RAB2B: variants seen among roughly 807,000 people sequenced by gnomAD.
RAB2B encodes ras-related protein Rab-2B.
A neutral mutation model predicts 29.8 loss-of-function variants in RAB2B; 20 were observed. The ratio of observed to expected loss-of-function variants is 0.67; its 90% confidence interval spans 0.47 to 0.97. RAB2B has a LOEUF of 0.97. Ranked by LOEUF, RAB2B falls within the 50% of genes least tolerant of loss-of-function variation. The probability of loss-of-function intolerance (pLI) is 0.00; values close to 1 mark genes in which losing one functional copy is unlikely to be tolerated. For missense variants in RAB2B, 218 were observed against 272.0 expected (o/e 0.80, Z 1.40); for synonymous variants, 93 against 91.7 (o/e 1.01, Z -0.08).
chr14:21,462,229 T>C (rs1890573187), intron 7 of RAB2B, 121 bp downstream of exon 7: 3 of 694,680 alleles, frequency 4.3e-6, no homozygotes, highest in Non-Finnish European at 6.6e-6. Flanking sequence ...AAGTGTTGAA[T>C]TGGCAGAGCT....
rs1890530083 is a variant in RAB2B, at chr14:21,460,658, GGC to G, written c.*536_*537del. The stretch of plus-strand genomic sequence containing the variant: ...GACAGAGTTTTGCTCTTGTTGCCCA[GGC>G]TGCAGTGCAATGGCGTGATCTTGGC... On this transcript the variant is annotated 3_prime_UTR_variant, in exon 8 of 8. Coordinates refer to ENST00000397762, the MANE Select transcript of RAB2B (RefSeq NM_032846.4). The G allele has an allele frequency of 6.5e-6, 1 of 154,804 alleles. No homozygotes were observed. Among genetic ancestry groups the G allele is most frequent in the Non-Finnish European group, 1.4e-5 (1 of 70,094 alleles). 9.6% of individuals were successfully genotyped at this position (154,804 alleles called of 1,614,324 possible). A position where few individuals can be genotyped will look rare whatever the true frequency, so the allele number is the denominator to read the frequency against.
intron 5 of RAB2B, among the ~76,000 whole-genome samples, chr14:21,466,739 G>A (rs898826074): frequency 6.6e-6 from 1 of 152,130 alleles, no homozygotes; most frequent in Non-Finnish European, 1.5e-5. Flanking sequence ...CTGAGAAGCT[G>A]TTTCTGGCAG....
chr14:21,476,929 A>C lies in RAB2B; in HGVS notation c.-57T>G. 5 of 1,573,496 alleles carry C rather than the reference A, an allele frequency of 3.2e-6. No homozygotes were observed. The highest frequency in any genetic ancestry group is 8.7e-7 in the Non-Finnish European group (1 of 1,148,240). On this transcript the variant is annotated 5_prime_UTR_variant, in exon 1 of 8. Transcript: ENST00000397762. ...CGACTTCTATAGCCACTTACCTCCG[A>C]CCTCTCTAGCCACTCAATCTACCGA... is the stretch of plus-strand genomic sequence containing the variant.
chr14:21,475,942 C>T (rs531679472), intron 2 of RAB2B, among the ~76,000 whole-genome samples: 11 of 152,224 alleles, frequency 7.2e-5, no homozygotes, highest in East Asian at 3.9e-4. Context: ...ACTGGGGTTA[C>T]GGAGATAACG....
chr14:21,476,300 G>A (rs574675195), intron 2 of RAB2B: 2 of 536,242 alleles, frequency 3.7e-6, no homozygotes, highest in African/African-American at 1.9e-5. Flanking sequence ...TATATGACGA[G>A]TCTATACCTC....
chr14:21,472,634 G>A lies in RAB2B; in HGVS notation c.186+2233C>T, dbSNP rs1890846195. 2.0e-5 allele frequency among the ~76,000 whole-genome samples: 3 copies of A among 152,188 alleles called. No homozygotes were observed. In the South Asian group the frequency reaches 6.2e-4, roughly 31 times the overall value. ...ATGATTTAGCAAATATTAATCTCAA[G>A]ACAATTTTAAGAGGGAACAGAAAAG... is the stretch of plus-strand genomic sequence containing the variant. On this transcript the variant is annotated intron_variant, in intron 3 of 7. Coordinates refer to ENST00000397762, the MANE Select transcript of RAB2B (RefSeq NM_032846.4).
rs568879635 is a variant in RAB2B, at chr14:21,468,541, G to A, written c.270-92C>T. ...TATACGAAAAGAGGGGAAGCCATAC[G>A]TGTAAAGAAAAATATTAGAGAGGCC... On this transcript the variant is annotated intron_variant, in intron 4 of 7. Transcript: ENST00000397762. The A allele has an allele frequency of 5.1e-5, 68 of 1,332,962 alleles. No homozygotes were observed. The African/African-American group carries it at 5.7e-4, about 11-fold the overall frequency. 82.6% of individuals were successfully genotyped at this position (1,332,962 alleles called of 1,614,324 possible).
intron 3 of RAB2B, 176 bp downstream of exon 3, chr14:21,474,691 G>A (rs1890905129): frequency 1.7e-6 from 1 of 582,390 alleles, no homozygotes; most frequent in African/African-American, 1.9e-5. Context: ...ACAACACAAA[G>A]ATACAGCATC....
In RAB2B at chr14:21,460,332, A is replaced by G. The variant is rs778432095; in HGVS notation, c.*864T>C. 27 of 511,798 alleles carry G rather than the reference A, an allele frequency of 5.3e-5. No individual in the cohort carries two copies. The highest frequency in any genetic ancestry group is 3.9e-4 in the African/African-American group (20 of 51,696). The allele number at this position is 511,798 out of a possible 1,614,324, so 31.7% of individuals were successfully genotyped here. A position where few individuals can be genotyped will look rare whatever the true frequency, so the allele number is the denominator to read the frequency against. ...GCCAGGCACGGTGGCTCACACCTGT[A>G]ATCCAGCACTTTGGGAGGCCAAGGT... is the stretch of plus-strand genomic sequence containing the variant. On this transcript the variant is annotated 3_prime_UTR_variant, in exon 8 of 8. Coordinates refer to ENST00000397762, the MANE Select transcript of RAB2B (RefSeq NM_032846.4).
intron 5 of RAB2B, among the ~76,000 whole-genome samples, chr14:21,468,051 G>C (rs916245905): frequency 1.3e-5 from 2 of 152,096 alleles, no homozygotes; most frequent in East Asian, 3.9e-4. Context: ...TGAGGGATGA[G>C]GGGGATGGGG....
At chr14:21,472,579 A>C in intron 3 of RAB2B, among the ~76,000 whole-genome samples, 1 of 152,180 alleles carries the variant, frequency 6.6e-6, no homozygotes, top group East Asian at 1.9e-4. Context: ...TATATAGAAA[A>C]CCACAGTGTT....
chr14:21,460,592 A>AAAG lies in RAB2B; in HGVS notation c.*603_*604insCTT, dbSNP rs1890524441. The AAAG allele has an allele frequency of 6.8e-6, 1 of 148,056 alleles. No homozygotes were observed. Among genetic ancestry groups the AAAG allele is most frequent in the Non-Finnish European group, 1.5e-5 (1 of 68,760 alleles). The allele number at this position is 148,056 out of a possible 1,614,324, so 9.2% of individuals were successfully genotyped here. A position where few individuals can be genotyped will look rare whatever the true frequency, so the allele number is the denominator to read the frequency against. ...GAGTGAGACTCCATCCCCCCAAAAA[A>AAAG]AAAAAAAAAAAAAGAAAAAAAAAAT... On this transcript the variant is annotated 3_prime_UTR_variant, in exon 8 of 8. Transcript: ENST00000397762.
chr14:21,463,844 C>T (rs1234680019), intron 5 of RAB2B, 77 bp from the exon 6 acceptor site: 1 of 966,306 alleles, frequency 1.0e-6, no homozygotes, highest in Admixed American at 2.3e-5. Context: ...TAAAAGAATT[C>T]CGTCGTGGTT....
chr14:21,459,863 A>C lies in RAB2B; in HGVS notation c.*1333T>G, dbSNP rs1299395557. 1 of 258,720 alleles carries C rather than the reference A, an allele frequency of 3.9e-6. No individual in the cohort carries two copies. The highest frequency in any genetic ancestry group is 7.8e-6 in the Non-Finnish European group (1 of 128,192). 16.0% of individuals were successfully genotyped at this position (258,720 alleles called of 1,614,324 possible). A position where few individuals can be genotyped will look rare whatever the true frequency, so the allele number is the denominator to read the frequency against. ...TGATTGGAGTAGAAAGTCTAGGTCT[A>C]GTTAAGAAGGGAGTTTGATGAAACA... On this transcript the variant is annotated 3_prime_UTR_variant, in exon 8 of 8. Transcript: ENST00000397762.
At position 21,474,554 on chromosome 14, in the gene RAB2B, A is replaced by G. The variant is rs1169288132; in HGVS notation, c.186+313T>C. ...AATCATCAGTAATGATTTCCCTGCT[A>G]GAGTACCAACCAAGATGGGAAGGGA... On this transcript the variant is annotated intron_variant, in intron 3 of 7. Transcript: ENST00000397762. The G allele has an allele frequency of 3.3e-4, 97 of 291,924 alleles. 1 individual carries two copies. The highest frequency in any genetic ancestry group is 4.5e-5 in the Non-Finnish European group (7 of 154,268). 18.1% of individuals were successfully genotyped at this position (291,924 alleles called of 1,614,324 possible). A position where few individuals can be genotyped will look rare whatever the true frequency, so the allele number is the denominator to read the frequency against.
At chr14:21,471,827 C>G (rs2139604145) in intron 3 of RAB2B, among the ~76,000 whole-genome samples, 1 of 152,042 alleles carries the variant, frequency 6.6e-6, no homozygotes, top group Admixed American at 6.5e-5. Context: ...AGGCGCCCGC[C>G]ACCACACCTG....
At chr14:21,472,750 A>C (rs1339023855) in intron 3 of RAB2B, among the ~76,000 whole-genome samples, 1 of 151,548 alleles carries the variant, frequency 6.6e-6, no homozygotes, top group East Asian at 1.9e-4. Context: ...TTTTCTATGT[A>C]TGCATTCTCA....
At chr14:21,476,300 G>C in intron 2 of RAB2B, 1 of 536,242 alleles carries the variant, frequency 1.9e-6, no homozygotes, top group Non-Finnish European at 3.3e-6. Flanking sequence ...TATATGACGA[G>C]TCTATACCTC....
chr14:21,476,796 G>C (rs17516362), intron 1 of RAB2B, 31 bp downstream of exon 1: 452,445 of 1,521,950 alleles, frequency 0.3, 66,391 homozygotes, highest in African/African-American at 0.42. Context: ...ATGCCCGCCC[G>C]AGCCTTGAAG....
Sources: gnomAD v4.1 joint callset for allele counts (sites outside exome capture counted in the v4.1 genomes callset) on GRCh38, gnomAD v4.1.1 for gene constraint, MANE v1.5 for transcripts, NCBI Gene and HGNC (gene_info 2026-07-23, HGNC 2026-07-21) for gene names.